KLHL32: variants seen among roughly 807,000 people sequenced by gnomAD.
KLHL32 encodes kelch-like protein 32.
KLHL32 carries 35 observed loss-of-function variants against 64.8 expected under a neutral mutation model. That is an observed-to-expected ratio of 0.54 (90% CI 0.41 to 0.72). The LOEUF (loss-of-function observed/expected upper bound fraction) is 0.72, where lower values mean the gene tolerates loss of function less well. Ranked by LOEUF, KLHL32 falls within the 30% of genes least tolerant of loss-of-function variation. KLHL32 has a pLI of 0.00. For synonymous variants in KLHL32, 259 were observed against 281.0 expected, an observed-to-expected ratio of 0.92 and a Z score of 0.78; for missense variants, 589 against 768.5, an observed-to-expected ratio of 0.77 and a Z score of 2.76.
rs3032640 is a variant in KLHL32 at position 96,973,741 on chromosome 6, T to TTTTTTTTTTTTTTTTC, written c.24-2256_24-2255insTTTTTTTTTTTTTTTC. On this transcript the variant is annotated intron_variant, in intron 2 of 10. Coordinates refer to ENST00000369261, the MANE Select transcript of KLHL32 (RefSeq NM_052904.4). ...TCTTTACAGATTGCCTTTTTTTTTT[T>TTTTTTTTTTTTTTTTC]AGACAGAGTCTCGCTCTGTTGCCCA... is the stretch of plus-strand genomic sequence containing the variant. 1.7e-3 allele frequency among the ~76,000 whole-genome samples: 248 copies of TTTTTTTTTTTTTTTTC among 149,456 alleles called. 2 individuals carry two copies. The highest frequency in any genetic ancestry group is 2.9e-3 in the Non-Finnish European group (197 of 67,272).
At chr6:97,028,114 T>C (rs2128111303) in intron 3 of KLHL32, among the ~76,000 whole-genome samples, 1 of 152,264 alleles carries the variant, frequency 6.6e-6, no homozygotes, top group South Asian at 2.1e-4. Flanking sequence ...GAGGACTGAC[T>C]ACCCCAGCTG....
chr6:97,081,195 T>C (rs1186000954), intron 5 of KLHL32, among the ~76,000 whole-genome samples: 1 of 152,094 alleles, frequency 6.6e-6, no homozygotes, highest in Non-Finnish European at 1.5e-5. Context: ...CTAGAGTCTT[T>C]ATAGTGGTAT....
the KLHL32 span, among the ~76,000 whole-genome samples, chr6:96,914,460 T>A: frequency 6.6e-6 from 1 of 152,114 alleles, no homozygotes; most frequent in Non-Finnish European, 1.5e-5. Context: ...GCATTTGATG[T>A]TGCTAGCATT....
intron 10 of KLHL32, 95 bp from the exon 11 acceptor site, chr6:97,139,026 A>G: frequency 8.6e-7 from 1 of 1,169,278 alleles, no homozygotes; most frequent in South Asian, 1.6e-5. Flanking sequence ...TGGTGACATA[A>G]CTGAATTTAA....
At chr6:97,120,624 G>C (rs1432559064) in intron 7 of KLHL32, among the ~76,000 whole-genome samples, 2 of 152,326 alleles carry the variant, frequency 1.3e-5, no homozygotes, top group Non-Finnish European at 1.5e-5. Context: ...TCTCAGTTAG[G>C]TGAGAGGCAA....
chr6:97,043,635 CCATA>C (rs1356948910), intron 4 of KLHL32, among the ~76,000 whole-genome samples: 4 of 152,184 alleles, frequency 2.6e-5, no homozygotes, highest in Admixed American at 2.6e-4. Context: ...TGAAGAACCT[CCATA>C]CTGTTTAACA....
chr6:97,057,107 A>C (rs767262271), intron 4 of KLHL32, among the ~76,000 whole-genome samples: 11 of 152,026 alleles, frequency 7.2e-5, no homozygotes, highest in Non-Finnish European at 1.6e-4. Flanking sequence ...TTAATACCCC[A>C]AAAATTAAAC....
At chr6:97,085,390 G>A (rs1257202998) in intron 6 of KLHL32, 49 bp downstream of exon 6, 2 of 1,509,574 alleles carry the variant, frequency 1.3e-6, no homozygotes, top group Non-Finnish European at 1.8e-6. Flanking sequence ...AGCATGCCGT[G>A]ATTGGAAGTT....
At chr6:96,990,361 A>G (rs990833303) in intron 3 of KLHL32, among the ~76,000 whole-genome samples, 2 of 152,038 alleles carry the variant, frequency 1.3e-5, no homozygotes, top group Admixed American at 1.3e-4. Context: ...TATGTTAGCA[A>G]GTATTTTTGG....
intron 3 of KLHL32, among the ~76,000 whole-genome samples, chr6:97,004,841 A>G (rs1779464685): frequency 6.6e-6 from 1 of 152,154 alleles, no homozygotes; most frequent in Non-Finnish European, 1.5e-5. Context: ...ATCGTAGTGC[A>G]TTAGCTTTTT....
At chr6:97,031,943 T>G (rs997604408) in intron 3 of KLHL32, among the ~76,000 whole-genome samples, 5 of 141,070 alleles carry the variant, frequency 3.5e-5, no homozygotes, top group Admixed American at 1.4e-4. Flanking sequence ...AGCGACAGTT[T>G]CTATATAACA....
chr6:97,042,472 C>T (rs931286776), intron 4 of KLHL32, among the ~76,000 whole-genome samples: 16 of 152,044 alleles, frequency 1.1e-4, no homozygotes, highest in African/African-American at 3.6e-4. Flanking sequence ...CATTTTTCTA[C>T]TGAATTTTAT....
chr6:96,907,236 C>T, the KLHL32 span, among the ~76,000 whole-genome samples: 1 of 152,172 alleles, frequency 6.6e-6, no homozygotes, highest in Non-Finnish European at 1.5e-5. Flanking sequence ...TCTCCAGGTA[C>T]TCTTCATCCA....
intron 1 of KLHL32, among the ~76,000 whole-genome samples, chr6:96,940,864 A>G (rs925456128): frequency 6.6e-6 from 1 of 152,252 alleles, no homozygotes; most frequent in Non-Finnish European, 1.5e-5. Flanking sequence ...GAGAGAAAAG[A>G]TATAACAATA....
At chr6:96,909,591 G>A in the KLHL32 span, among the ~76,000 whole-genome samples, 2 of 152,322 alleles carry the variant, frequency 1.3e-5, no homozygotes, top group East Asian at 3.9e-4. Context: ...AACAGACTCA[G>A]CAGAGATAGG....
At chr6:97,127,542 C>A in intron 8 of KLHL32, 80 bp downstream of exon 8, 1 of 1,110,416 alleles carries the variant, frequency 9.0e-7, no homozygotes, top group Non-Finnish European at 1.4e-6. Flanking sequence ...ATTGGAATGC[C>A]AAGTGTACAC....
chr6:97,119,081 T>C (rs1278877402), intron 7 of KLHL32, among the ~76,000 whole-genome samples: 1 of 152,188 alleles, frequency 6.6e-6, no homozygotes. Context: ...CTTCAATAAT[T>C]ATCTTGTCCT....
At chr6:97,074,618 A>T (rs910804261) in intron 5 of KLHL32, among the ~76,000 whole-genome samples, 1 of 151,480 alleles carries the variant, frequency 6.6e-6, no homozygotes, top group Non-Finnish European at 1.5e-5. Flanking sequence ...AAAAAAAACA[A>T]AAAAACTACT....
At chr6:96,925,654 G>A (rs1769050384) in intron 1 of KLHL32, among the ~76,000 whole-genome samples, 1 of 152,112 alleles carries the variant, frequency 6.6e-6, no homozygotes, top group Non-Finnish European at 1.5e-5. Flanking sequence ...TGATTTAATT[G>A]TGTTTCCCCA....
Sources: gnomAD v4.1 joint callset for allele counts (sites outside exome capture counted in the v4.1 genomes callset) on GRCh38, gnomAD v4.1.1 for gene constraint, MANE v1.5 for transcripts, NCBI Gene and HGNC (gene_info 2026-07-23, HGNC 2026-07-21) for gene names.